Variants in ZNF385A observed in about 807,000 individuals in gnomAD.
ZNF385A encodes hematopoietic zinc finger protein.
Under a neutral mutation model 32.1 loss-of-function variants are expected in ZNF385A, and 14 were observed. The ratio of observed to expected loss-of-function variants is 0.44; its 90% CI spans 0.29 to 0.68. ZNF385A has a LOEUF of 0.68. Among genes scored for constraint, ZNF385A ranks in the 30% least tolerant of loss-of-function variants. ZNF385A has a pLI of 0.14. For missense variants in ZNF385A, 406 were observed against 478.4 expected (o/e 0.85, Z 1.41); for synonymous variants, 197 against 202.7 (o/e 0.97, Z 0.24).
In ZNF385A at chr12:54,384,711, G is replaced by A; in HGVS notation, c.-197C>T. ...CATAGTGTACACACTTCCCCTGCTG[G>A]CTCCAGAGCAATGGAGCACAGTGCC... On this transcript the variant is annotated 5_prime_UTR_variant, in exon 1 of 7. Transcript: ENST00000394313. 7.4e-7 allele frequency: 1 copy of A among 1,345,220 alleles called. No homozygotes were observed. Among genetic ancestry groups the A allele is most frequent in the Non-Finnish European group, 9.5e-7 (1 of 1,052,036 alleles). 83.3% of individuals were successfully genotyped at this position (1,345,220 alleles called of 1,614,324 possible). A position where few individuals can be genotyped will look rare whatever the true frequency, so the allele number is the denominator to read the frequency against.
chr12:54,384,762 C>T, upstream of ZNF385A: 1 of 1,261,578 alleles, frequency 7.9e-7, no homozygotes, highest in Non-Finnish European at 1.0e-6. Flanking sequence ...AGGGTGTAGA[C>T]CAGTCCTTCC....
Position 54,370,263 on chromosome 12 carries a change from G to C in ZNF385A, c.1094C>G (p.Pro365Arg). ...AGGGGTTCAGGGTTGAGGTCAGTAC[G>C]GGGAGAAGAGGATGGGTCCGTGCGC... Reference protein sequence around the residue: ...RTAHGPILFSPY With the variant: ...RTAHGPILFSRY The change falls in exon 7 of 7, where the codon CCG becomes CGG. Residue 365 changes from proline to arginine, a missense_variant. Pro to Arg is a moderately radical substitution (Grantham distance 103). Coordinates refer to ENST00000394313, the MANE Select transcript of ZNF385A (RefSeq NM_015481.3). This position sits in a 1 kb window ranked among gnomAD's most constrained non-coding sequence, Gnocchi z 5.5. 6.8e-7 allele frequency: 1 copy of C among 1,461,854 alleles called. No individual in the cohort carries two copies. The highest frequency in any genetic ancestry group is 9.1e-7 in the Non-Finnish European group (1 of 1,104,570). 90.6% of individuals were successfully genotyped at this position (1,461,854 alleles called of 1,614,324 possible).
At chr12:54,379,782 CG>C (rs941422579) in intron 1 of ZNF385A, among the ~76,000 whole-genome samples, 1 of 152,222 alleles carries the variant, frequency 6.6e-6, no homozygotes, top group African/African-American at 2.4e-5. Context: ...CTCCTACCCG[CG>C]CCCGCCACCT....
chr12:54,389,281 C>A (rs1219675605), upstream of ZNF385A, among the ~76,000 whole-genome samples: 1 of 152,182 alleles, frequency 6.6e-6, no homozygotes, highest in Non-Finnish European at 1.5e-5. Flanking sequence ...GGCTACCATG[C>A]ACATGGATTC....
chr12:54,374,941 A>G (rs920472533), intron 2 of ZNF385A, among the ~76,000 whole-genome samples: 1 of 152,150 alleles, frequency 6.6e-6, no homozygotes, highest in African/African-American at 2.4e-5. Context: ...ACCCCTGCTA[A>G]GAATGTACCA....
At chr12:54,391,121 C>A in intron 1 of ZNF385A, 2 of 1,126,526 alleles carry the variant, frequency 1.8e-6, no homozygotes, top group South Asian at 1.7e-5. Flanking sequence ...GGGAACCGGT[C>A]GCTGACGGGC....
chr12:54,378,247 G>A (rs150139788), intron 1 of ZNF385A, among the ~76,000 whole-genome samples: 1 of 152,296 alleles, frequency 6.6e-6, no homozygotes, highest in East Asian at 1.9e-4. Flanking sequence ...CCACTGAAGT[G>A]CTGCTCCAGG....
At chr12:54,383,072 G>A (rs1019696590) in intron 1 of ZNF385A, among the ~76,000 whole-genome samples, 5 of 152,090 alleles carry the variant, frequency 3.3e-5, no homozygotes, top group Non-Finnish European at 7.4e-5. Context: ...TGAGGCAGGA[G>A]AATGGCTTGA....
chr12:54,390,239 C>T (rs1955599309), intron 1 of ZNF385A, among the ~76,000 whole-genome samples: 1 of 151,886 alleles, frequency 6.6e-6, no homozygotes, highest in Non-Finnish European at 1.5e-5. Context: ...GGGCAGAGGT[C>T]AGAGCAGGCC....
chr12:54,379,505 C>T (rs1299060400), intron 1 of ZNF385A, among the ~76,000 whole-genome samples: 1 of 152,018 alleles, frequency 6.6e-6, no homozygotes, highest in African/African-American at 2.4e-5. Flanking sequence ...TTTCTTTCAC[C>T]CCTTTTGCCC....
Position 54,375,908 on chromosome 12 carries a change from G to C in ZNF385A, c.134C>G (p.Pro45Arg). 1 of 1,614,122 alleles carries C rather than the reference G, an allele frequency of 6.2e-7. No individual in the cohort carries two copies. The highest frequency in any genetic ancestry group is 1.3e-5 in the African/African-American group (1 of 75,018). ...GACGGGCCGCTTGGTCTTGAGCAAG[G>C]GTCCCCCAAAAGTGTGGGAGAGCAC... ...KAVLSHTFGGPLLKTKRPVIS... is the reference protein window; with the variant it reads ...KAVLSHTFGGRLLKTKRPVIS... The change falls in exon 2 of 7, where the codon CCC becomes CGC. Residue 45 changes from proline to arginine, a missense_variant. Transcript: ENST00000394313.
At chr12:54,384,176 A>T (rs1188090801) in intron 1 of ZNF385A, among the ~76,000 whole-genome samples, 1 of 152,222 alleles carries the variant, frequency 6.6e-6, no homozygotes, top group East Asian at 1.9e-4. Flanking sequence ...TGTAGGACTA[A>T]ATGAGATAAT....
intron 1 of ZNF385A, among the ~76,000 whole-genome samples, chr12:54,382,070 A>ATTT (rs1365865153): frequency 7.0e-6 from 1 of 142,964 alleles, no homozygotes; most frequent in African/African-American, 2.6e-5. Flanking sequence ...GTTAAATTGA[A>ATTT]TTTTTTTTTT....
chr12:54,390,984 C>CG (rs976276638), intron 1 of ZNF385A, among the ~76,000 whole-genome samples: 10 of 152,192 alleles, frequency 6.6e-5, no homozygotes, highest in African/African-American at 2.2e-4. Context: ...AATTATGGGG[C>CG]GGGGGTCTCA....
intron 2 of ZNF385A, among the ~76,000 whole-genome samples, chr12:54,374,517 G>C (rs1473954339): frequency 6.6e-6 from 1 of 152,140 alleles, no homozygotes; most frequent in African/African-American, 2.4e-5. Flanking sequence ...CCAAGGCTAT[G>C]TGCCCAAGTC....
At chr12:54,381,056 C>T (rs925648472) in intron 1 of ZNF385A, among the ~76,000 whole-genome samples, 8 of 151,730 alleles carry the variant, frequency 5.3e-5, no homozygotes, top group South Asian at 2.1e-4. Flanking sequence ...ATTAGCTGGG[C>T]GTGGTGGTGT....
intron 3 of ZNF385A, among the ~76,000 whole-genome samples, chr12:54,372,268 G>A (rs1954591419): frequency 6.6e-6 from 1 of 152,228 alleles, no homozygotes; most frequent in South Asian, 2.1e-4. Flanking sequence ...AGATGCACAG[G>A]CCCTAGGCCT....
chr12:54,390,568 T>C (rs1381073122), intron 1 of ZNF385A, among the ~76,000 whole-genome samples: 1 of 151,856 alleles, frequency 6.6e-6, no homozygotes, highest in Non-Finnish European at 1.5e-5. Flanking sequence ...CTCGGCGTGT[T>C]GGGGCAGGAT....
intron 1 of ZNF385A, chr12:54,391,169 G>A: frequency 1.4e-6 from 2 of 1,457,376 alleles, no homozygotes; most frequent in East Asian, 2.9e-5. Context: ...TGGTGGAGGG[G>A]GGCGGTGGGT....
Sources: gnomAD v4.1 joint callset for allele counts (sites outside exome capture counted in the v4.1 genomes callset) on GRCh38, gnomAD v4.1.1 for gene constraint, Gnocchi (gnomAD v3.1) non-coding constraint, MANE v1.5 for transcripts, NCBI Gene and HGNC (gene_info 2026-07-23, HGNC 2026-07-21) for gene names.